Variants in NBPF15 observed in about 807,000 individuals in gnomAD.
The protein encoded by NBPF15 is NBPF member 15.
Under a neutral mutation model 62.2 loss-of-function variants are expected in NBPF15, and 74 were observed. The ratio of observed to expected loss-of-function variants is 1.19; its 90% CI spans 0.99 to 1.44. NBPF15 has a LOEUF of 1.44. Ranked by LOEUF, NBPF15 falls within the 40% of genes most tolerant of loss-of-function variation. The pLI is 0.00. For synonymous variants in NBPF15, 244 were observed against 209.7 expected (o/e 1.16, Z -1.41); for missense variants, 790 against 550.0 (o/e 1.44, Z -4.36).
rs373152303 is a variant in NBPF15 at position 144,455,689 on chromosome 1, T to C, written c.-432+848A>G. Among the ~76,000 whole-genome samples, 124 of 152,086 alleles carry C rather than the reference T, an allele frequency of 8.2e-4. 1 individual carries two copies. Among genetic ancestry groups the C allele is most frequent in the East Asian group, 1.7e-3 (9 of 5,172 alleles). On this transcript the variant is annotated intron_variant, in intron 4 of 21. Coordinates refer to ENST00000581897, the MANE Select transcript of NBPF15 (RefSeq NM_001385408.1). ...GTCATTCTCACTGGACTTCCCTCCTTGCACTGGCTCCCACTCCCCCAGGAC... is the reference window on the plus strand; with the variant it reads ...GTCATTCTCACTGGACTTCCCTCCTCGCACTGGCTCCCACTCCCCCAGGAC...
intron 20 of NBPF15, 117 bp from the exon 21 acceptor site, chr1:144,424,092 C>G (rs1336756879): frequency 9.3e-6 from 7 of 751,272 alleles, no homozygotes; most frequent in Non-Finnish European, 2.4e-6. Context: ...AATACGACAC[C>G]ATGAGAGATA....
intron 15 of NBPF15, among the ~76,000 whole-genome samples, 198 bp from the exon 16 acceptor site, chr1:144,428,188 C>A (rs1194122503): frequency 1.3e-5 from 2 of 150,496 alleles, no homozygotes; most frequent in South Asian, 2.1e-4. Context: ...GACACACACA[C>A]ACACACACAC....
At chr1:144,429,244 TG>T (rs1168455277) in intron 14 of NBPF15, among the ~76,000 whole-genome samples, 1 of 149,298 alleles carries the variant, frequency 6.7e-6, no homozygotes, top group Non-Finnish European at 1.5e-5. Context: ...CAGTGAAACC[TG>T]GGTCACATCT....
intron 13 of NBPF15, among the ~76,000 whole-genome samples, chr1:144,433,280 T>C (rs1675847586): frequency 6.6e-6 from 1 of 151,904 alleles, no homozygotes; most frequent in Non-Finnish European, 1.5e-5. Flanking sequence ...CATACCAGAA[T>C]CTCTGAGACA....
rs1571099316 is a variant in NBPF15 at position 144,422,975 on chromosome 1, C to A, written c.*38G>T. 1 of 1,611,584 alleles carries A rather than the reference C, an allele frequency of 6.2e-7. No homozygotes were observed. Among genetic ancestry groups the A allele is most frequent in the Non-Finnish European group, 8.5e-7 (1 of 1,179,622 alleles). On this transcript the variant is annotated 3_prime_UTR_variant, in exon 22 of 22. Transcript: ENST00000581897. The stretch of plus-strand genomic sequence containing the variant: ...AATCTTCTCGTGCCTATAGGTCCTG[C>A]CTGCAGGAATGACATCTCTCGGCTT...
intron 6 of NBPF15, among the ~76,000 whole-genome samples, chr1:144,440,754 G>A (rs1381404866): frequency 1.0e-4 from 15 of 148,192 alleles, no homozygotes; most frequent in East Asian, 4.0e-4. Context: ...CCAGGTTCAC[G>A]CTATTCTCCT....
chr1:144,445,350 TATATACAC>T (rs1293268274), intron 6 of NBPF15, among the ~76,000 whole-genome samples: 11 of 115,658 alleles, frequency 9.5e-5, no homozygotes, highest in African/African-American at 4.2e-4. Flanking sequence ...TATATATATA[TATATACAC>T]ACACACACAC....
At position 144,461,121 on chromosome 1, in the gene NBPF15, G is replaced by A. The variant is rs1652619193; in HGVS notation, c.-937-160C>T. ...CAGGGTCCTCCACAGGATACACGAG[G>A]ACGTGCCCCCGAAGCTGCTCGTCCC... On this transcript the variant is annotated intron_variant, in intron 1 of 21. Coordinates refer to ENST00000581897, the MANE Select transcript of NBPF15 (RefSeq NM_001385408.1). Among the ~76,000 whole-genome samples, 4 of 151,790 alleles carry A rather than the reference G, an allele frequency of 2.6e-5. No homozygotes were observed. The South Asian group carries it at 8.3e-4, about 32-fold the overall frequency.
Position 144,442,773 on chromosome 1 carries a change from A to G in NBPF15, c.-190-2478T>C, listed in dbSNP as rs1058121. 4.4e-5 allele frequency: 9 copies of G among 205,164 alleles called. No homozygotes were observed. The East Asian group carries it at 9.4e-4, about 21-fold the overall frequency. 12.7% of individuals were successfully genotyped at this position (205,164 alleles called of 1,614,324 possible). A position where few individuals can be genotyped will look rare whatever the true frequency, so the allele number is the denominator to read the frequency against. On this transcript the variant is annotated intron_variant, in intron 6 of 21. Coordinates refer to ENST00000581897, the MANE Select transcript of NBPF15 (RefSeq NM_001385408.1). Reference sequence around the variant, plus strand: ...ACTGGTCAAACTTTGTCATGAATGGACTGACACTGGGGGGCCAGAAATATA... The same window carrying G: ...ACTGGTCAAACTTTGTCATGAATGGGCTGACACTGGGGGGCCAGAAATATA...
intron 4 of NBPF15, among the ~76,000 whole-genome samples, chr1:144,453,190 C>G (rs587595122): frequency 1.0e-4 from 15 of 149,686 alleles, no homozygotes; most frequent in Admixed American, 1.3e-4. Context: ...GGCCTACATA[C>G]AGTCCACTGA....
At chr1:144,456,993 T>C (rs1558622585) in intron 3 of NBPF15, among the ~76,000 whole-genome samples, 188 bp from the exon 4 acceptor site, 2 of 150,446 alleles carry the variant, frequency 1.3e-5, no homozygotes, top group African/African-American at 2.5e-5. Flanking sequence ...CTCGGCAACA[T>C]AGTAAGACCC....
chr1:144,438,429 G>A (rs1680296959), intron 8 of NBPF15, among the ~76,000 whole-genome samples: 1 of 151,902 alleles, frequency 6.6e-6, no homozygotes, highest in African/African-American at 2.4e-5. Context: ...AGTCGGGAAG[G>A]CCCCTAGGAC....
intron 4 of NBPF15, among the ~76,000 whole-genome samples, chr1:144,453,738 T>G (rs1356200023): frequency 6.8e-6 from 1 of 146,276 alleles, no homozygotes; most frequent in African/African-American, 2.5e-5. Flanking sequence ...TCAAAATCAT[T>G]TGTTGTGAGG....
Position 144,423,241 on chromosome 1 carries a change from C to T in NBPF15, c.1785G>A (p.Leu595=), listed in dbSNP as rs782044118. The change falls in exon 22 of 22, where the codon CTG becomes CTA. Residue 595 remains leucine (L), a synonymous_variant. Coordinates refer to ENST00000581897, the MANE Select transcript of NBPF15 (RefSeq NM_001385408.1). ...NPPCPRLYGV[L]MEVEEPEVLQ... Reference sequence around the variant, plus strand: ...AGACTTCAGGCTCTTCCACTTCCATCAGCACGCCGTAGAGCCTGGAAAAGG... The same window carrying T: ...AGACTTCAGGCTCTTCCACTTCCATTAGCACGCCGTAGAGCCTGGAAAAGG... 1 of 1,610,306 alleles carries T rather than the reference C, an allele frequency of 6.2e-7. No homozygotes were observed. The highest frequency in any genetic ancestry group is 1.1e-5 in the South Asian group (1 of 90,752).
Position 144,423,052 on chromosome 1 carries a change from G to T in NBPF15, c.1974C>A (p.Leu658=). The T allele has an allele frequency of 6.2e-7, 1 of 1,611,632 alleles. No homozygotes were observed. Among genetic ancestry groups the T allele is most frequent in the Non-Finnish European group, 8.5e-7 (1 of 1,179,640 alleles). ...NRFFTLTVTS[L]HLVFQMGVIF... ...TGACTCCCATCTGGAACACCAGGTG[G>T]AGACTTGTCACCGTCAAAGTAAAAA... is the stretch of plus-strand genomic sequence containing the variant. The change falls in exon 22 of 22, where the codon CTC becomes CTA. Residue 658 remains leucine (L), a synonymous_variant. Coordinates refer to ENST00000581897, the MANE Select transcript of NBPF15 (RefSeq NM_001385408.1).
chr1:144,423,931 A>G lies in NBPF15; in HGVS notation c.1708T>C (p.Ser570Pro). ...GKGKKRRGRRSKKKRRRGRKE... is the reference protein window; with the variant it reads ...GKGKKRRGRRPKKKRRRGRKE... ...CTTCCCCTTCTTCTTTTCTTCTTTGATCTTCTTCCCCTTCTTTTCTTCCCC... is the reference window on the plus strand; with the variant it reads ...CTTCCCCTTCTTCTTTTCTTCTTTGGTCTTCTTCCCCTTCTTTTCTTCCCC... Residue 570 changes from serine (S) to proline (P), a missense_variant, in exon 21 of 22, where the codon TCA (serine) becomes CCA (proline). By Grantham distance (74) the Ser-to-Pro change is moderately conservative. Coordinates refer to ENST00000581897, the MANE Select transcript of NBPF15 (RefSeq NM_001385408.1). 2.5e-6 allele frequency: 2 copies of G among 789,404 alleles called. No homozygotes were observed. Among genetic ancestry groups the G allele is most frequent in the South Asian group, 1.3e-5 (1 of 74,924 alleles). The allele number at this position is 789,404 out of a possible 1,614,324, so 48.9% of individuals were successfully genotyped here.
chr1:144,422,783 TC>T lies in NBPF15; in HGVS notation c.*229del, dbSNP rs1553538426. 2 of 1,056,316 alleles carry T rather than the reference TC, an allele frequency of 1.9e-6. No individual in the cohort carries two copies. The highest frequency in any genetic ancestry group is 3.3e-5 in the African/African-American group (2 of 60,234). 65.4% of individuals were successfully genotyped at this position (1,056,316 alleles called of 1,614,324 possible). ...CAAATTAAAATGTCTGACTGATCAC[TC>T]CCGGCATGTTCTGCACAGTTATGTG... On this transcript the variant is annotated 3_prime_UTR_variant, in exon 22 of 22. Coordinates refer to ENST00000581897, the MANE Select transcript of NBPF15 (RefSeq NM_001385408.1).
chr1:144,440,591 A>C (rs1261122849), intron 6 of NBPF15: 3 of 211,164 alleles, frequency 1.4e-5, no homozygotes, highest in African/African-American at 7.0e-5. Context: ...TCTTAATGGT[A>C]GTCATGAAAT....
At chr1:144,431,633 C>T (rs868921302) in intron 13 of NBPF15, among the ~76,000 whole-genome samples, 207 of 111,704 alleles carry the variant, frequency 1.9e-3, no homozygotes, top group African/African-American at 7.2e-3. Flanking sequence ...CTAATGCTAC[C>T]CCTCCTCCCT....
Sources: allele counts gnomAD v4.1 joint callset (sites outside exome capture counted in the v4.1 genomes callset), GRCh38; gene constraint gnomAD v4.1.1; transcripts MANE v1.5; gene names NCBI Gene and HGNC (gene_info 2026-07-23, HGNC 2026-07-21).